The following ADGRL3 variants were observed in gnomAD, a reference collection of about 807,000 sequenced individuals.
ADGRL3 encodes the protein calcium-independent alpha-latrotoxin receptor 3.
A neutral mutation model predicts 153.5 loss-of-function variants in ADGRL3; 62 were observed. The observed-to-expected ratio is 0.40, with a 90% CI of 0.33 to 0.50. The LOEUF (loss-of-function observed/expected upper bound fraction) is 0.50, where lower values mean the gene tolerates loss of function less well. Ranked by LOEUF, ADGRL3 falls within the 20% of genes least tolerant of loss-of-function variation. The probability of loss-of-function intolerance (pLI) is 0.47; values close to 1 mark genes in which losing one functional copy is unlikely to be tolerated. For synonymous variants in ADGRL3, 710 were observed against 672.5 expected, an observed-to-expected ratio of 1.06 and a Z score of -0.86; for missense variants, 1,641 against 1,859.4, an observed-to-expected ratio of 0.88 and a Z score of 2.16.
intron 19 of ADGRL3, among the ~76,000 whole-genome samples, chr4:61,990,227 T>C (rs2099099063): frequency 6.6e-6 from 1 of 152,034 alleles, no homozygotes; most frequent in Non-Finnish European, 1.5e-5. Context: ...TATTAACACA[T>C]GCCATAAAAT....
At chr4:61,673,501 T>G (rs2095076531) in intron 5 of ADGRL3, among the ~76,000 whole-genome samples, 1 of 151,756 alleles carries the variant, frequency 6.6e-6, no homozygotes, top group African/African-American at 2.4e-5. Context: ...TTTATCTCAC[T>G]TTTTTCATCT....
At chr4:61,407,235 C>T (rs2097013600) in intron 2 of ADGRL3, among the ~76,000 whole-genome samples, 1 of 151,918 alleles carries the variant, frequency 6.6e-6, no homozygotes, top group Non-Finnish European at 1.5e-5. Flanking sequence ...AAGATTGCAG[C>T]CGCATGAAAA....
intron 19 of ADGRL3, among the ~76,000 whole-genome samples, chr4:61,985,855 C>G (rs1488640304): frequency 7.3e-5 from 11 of 149,992 alleles, no homozygotes; most frequent in Non-Finnish European, 3.0e-5. Context: ...GTAATCAAGT[C>G]TGTGATTTTT....
At chr4:61,643,602 C>T (rs1341451735) in intron 5 of ADGRL3, among the ~76,000 whole-genome samples, 18 of 148,384 alleles carry the variant, frequency 1.2e-4, no homozygotes, top group Admixed American at 2.7e-4. Flanking sequence ...TATTGATTTG[C>T]GTATATTGAA....
chr4:61,455,664 T>C (rs968066977), intron 2 of ADGRL3, among the ~76,000 whole-genome samples: 2 of 152,034 alleles, frequency 1.3e-5, no homozygotes, highest in African/African-American at 4.8e-5. Flanking sequence ...TATATTCTGA[T>C]AGTGGGAAGT....
chr4:61,918,821 T>G (rs2098755757), intron 13 of ADGRL3, among the ~76,000 whole-genome samples: 3 of 152,206 alleles, frequency 2.0e-5, no homozygotes, highest in Admixed American at 1.3e-4. Context: ...TGCCCATTCT[T>G]TTCAACTTTT....
At chr4:61,822,977 G>A (rs2097769326) in intron 9 of ADGRL3, among the ~76,000 whole-genome samples, 1 of 152,148 alleles carries the variant, frequency 6.6e-6, no homozygotes, top group Non-Finnish European at 1.5e-5. Context: ...CCCCGATGTT[G>A]ATTCTCCCCT....
chr4:61,609,952 G>T (rs1259674395), intron 5 of ADGRL3, among the ~76,000 whole-genome samples: 1 of 151,816 alleles, frequency 6.6e-6, no homozygotes, highest in Non-Finnish European at 1.5e-5. Flanking sequence ...TCATGCACAG[G>T]GTGGTTTGTA....
rs536680635 is a variant in ADGRL3 at position 61,932,605 on chromosome 4, G to A, written c.2113-2235G>A. Among the ~76,000 whole-genome samples, 26 of 152,166 alleles carry A rather than the reference G, an allele frequency of 1.7e-4. 1 individual carries two copies. The South Asian group carries it at 4.6e-3, about 27-fold the overall frequency. On this transcript the variant is annotated intron_variant, in intron 13 of 26. Coordinates refer to ENST00000683033, the MANE Select transcript of ADGRL3 (RefSeq NM_001387552.1). ...CATTTTGTTGAGAATTTTTGCATCT[G>A]TATTCATCAGGATATGGCCTGCAGT...
intron 2 of ADGRL3, among the ~76,000 whole-genome samples, chr4:61,480,653 G>A (rs2098122321): frequency 6.6e-6 from 1 of 151,834 alleles, no homozygotes; most frequent in South Asian, 2.1e-4. Context: ...CGGGGTTTCG[G>A]GTGCCTATAA....
intron 4 of ADGRL3, among the ~76,000 whole-genome samples, chr4:61,529,275 T>C (rs1167277638): frequency 6.6e-6 from 1 of 152,184 alleles, no homozygotes; most frequent in Non-Finnish European, 1.5e-5. Context: ...GTCTATCCAG[T>C]ATGTATATTT....
chr4:61,327,771 T>C (rs139636771), intron 1 of ADGRL3, among the ~76,000 whole-genome samples: 3 of 152,204 alleles, frequency 2.0e-5, no homozygotes, highest in African/African-American at 7.2e-5. Context: ...GAAGAAACAA[T>C]TTTAAGATGA....
At chr4:61,744,130 C>G (rs1212801504) in intron 8 of ADGRL3, among the ~76,000 whole-genome samples, 1 of 152,136 alleles carries the variant, frequency 6.6e-6, no homozygotes, top group Non-Finnish European at 1.5e-5. Context: ...AGTCTGAGAT[C>G]AAACTGCAAG....
chr4:61,536,833 A>G (rs2098659600), intron 4 of ADGRL3, among the ~76,000 whole-genome samples: 13 of 151,822 alleles, frequency 8.6e-5, no homozygotes, highest in Admixed American at 8.5e-4. Context: ...TTTTTTTCCC[A>G]ATTTGCCAGA....
chr4:61,432,616 TTCTTTCTTTCTTTCTTTCTTTC>T (rs2097375778), intron 2 of ADGRL3, among the ~76,000 whole-genome samples: 1 of 77,952 alleles, frequency 1.3e-5, no homozygotes, highest in Non-Finnish European at 2.7e-5. Context: ...CTTTCTTTCT[TTCTTTCTTTCTTTCTTTCTTTC>T]TTTCTTTCTT....
intron 25 of ADGRL3, among the ~76,000 whole-genome samples, chr4:62,059,363 G>T (rs954821798): frequency 6.6e-6 from 1 of 151,886 alleles, no homozygotes; most frequent in Non-Finnish European, 1.5e-5. Context: ...TTTTGTTTCT[G>T]TTGCTGAAGA....
intron 16 of ADGRL3, 33 bp downstream of exon 16, chr4:61,947,155 T>C (rs2098928398): frequency 6.6e-7 from 1 of 1,505,310 alleles, no homozygotes; most frequent in African/African-American, 1.4e-5. Flanking sequence ...TGGTTGTTCA[T>C]ATTATCTGTA....
chr4:61,662,207 A>T (rs2094617919), intron 5 of ADGRL3, among the ~76,000 whole-genome samples: 2 of 152,122 alleles, frequency 1.3e-5, no homozygotes, highest in Non-Finnish European at 1.5e-5. Context: ...ATGGCTCTAG[A>T]CCCAAGCATC....
At chr4:61,412,230 T>C (rs2097096025) in intron 2 of ADGRL3, among the ~76,000 whole-genome samples, 1 of 152,122 alleles carries the variant, frequency 6.6e-6, no homozygotes, top group East Asian at 1.9e-4. Flanking sequence ...TACAGGCATG[T>C]ATCACTGTGC....
Sources: allele counts gnomAD v4.1 joint callset (sites outside exome capture counted in the v4.1 genomes callset), GRCh38; gene constraint gnomAD v4.1.1; transcripts MANE v1.5; gene names NCBI Gene and HGNC (gene_info 2026-07-23, HGNC 2026-07-21).